Variants in POLE2 observed in about 807,000 individuals in gnomAD.
POLE2 encodes the protein DNA polymerase epsilon subunit 2.
In POLE2, 56 loss-of-function variants were observed where a neutral mutation model predicts 79.4. The observed-to-expected ratio is 0.71, with a 90% CI of 0.57 to 0.88. POLE2 has a LOEUF of 0.88. Among genes scored for constraint, POLE2 ranks in the 40% least tolerant of loss-of-function variants. The probability of loss-of-function intolerance (pLI) is 0.00; values close to 1 mark genes in which losing one functional copy is unlikely to be tolerated. For missense variants in POLE2, 598 were observed against 638.9 expected (o/e 0.94, Z 0.69); for synonymous variants, 212 against 214.0 (o/e 0.99, Z 0.08).
intron 5 of POLE2, among the ~76,000 whole-genome samples, chr14:49,673,786 T>C (rs1172611903): frequency 6.6e-6 from 1 of 152,170 alleles, no homozygotes; most frequent in African/African-American, 2.4e-5. Context: ...AGTTTCCTGA[T>C]CCGTAAAATG....
intron 18 of POLE2, among the ~76,000 whole-genome samples, chr14:49,646,302 GTTTT>G (rs1162033821): frequency 2.7e-3 from 231 of 84,400 alleles, no homozygotes; most frequent in African/African-American, 9.4e-3. Context: ...TTTTTTGTTG[GTTTT>G]TTTTTTTTTT....
At chr14:49,685,452 A>C (rs1887058469) in intron 1 of POLE2, among the ~76,000 whole-genome samples, 1 of 152,132 alleles carries the variant, frequency 6.6e-6, no homozygotes, top group South Asian at 2.1e-4. Context: ...GACAGTTCTT[A>C]GCATAGACCA....
In POLE2 at chr14:49,650,245, A is replaced by G. The variant is rs776333199; in HGVS notation, c.1497+20T>C. ...TAATCTTGATAAATAATGACTATATAAGATTAACTACATTCTTACAGGGTT... is the reference window on the plus strand; with the variant it reads ...TAATCTTGATAAATAATGACTATATGAGATTAACTACATTCTTACAGGGTT... On this transcript the variant is annotated intron_variant, in intron 17 of 18. Coordinates refer to ENST00000216367, the MANE Select transcript of POLE2 (RefSeq NM_002692.4). The G allele has an allele frequency of 7.2e-7, 1 of 1,381,938 alleles. No homozygotes were observed. Among genetic ancestry groups the G allele is most frequent in the Non-Finnish European group, 1.0e-6 (1 of 1,003,640 alleles). 85.6% of individuals were successfully genotyped at this position (1,381,938 alleles called of 1,614,324 possible). A position where few individuals can be genotyped will look rare whatever the true frequency, so the allele number is the denominator to read the frequency against.
chr14:49,650,133 A>G, intron 17 of POLE2, 132 bp downstream of exon 17: 1 of 485,236 alleles, frequency 2.1e-6, no homozygotes. Flanking sequence ...TGTGTATAGA[A>G]ACTTAATTCA....
In POLE2 at chr14:49,650,351, C is replaced by T. The variant is rs772708908; in HGVS notation, c.1411G>A (p.Val471Met). ...VYWAYDYALR[V>M]YPVPDLLVIA... ...ACAAGTAGATCGGGCACAGGATACA[C>T]TCTCAAAGCATAGTCATATGCCCAA... The change falls in exon 17 of 19, where the codon GTG (valine) becomes ATG (methionine). Residue 471 changes from valine (V) to methionine (M), a missense_variant. Coordinates refer to ENST00000216367, the MANE Select transcript of POLE2 (RefSeq NM_002692.4). The T allele has an allele frequency of 6.2e-7, 1 of 1,611,030 alleles. No homozygotes were observed. Among genetic ancestry groups the T allele is most frequent in the Non-Finnish European group, 8.5e-7 (1 of 1,178,082 alleles).
At chr14:49,681,657 C>T (rs1309474159) in intron 2 of POLE2, among the ~76,000 whole-genome samples, 1 of 151,970 alleles carries the variant, frequency 6.6e-6, no homozygotes, top group Non-Finnish European at 1.5e-5. Context: ...ACCTGTAGTC[C>T]CAGCTACTCA....
At chr14:49,657,530 TC>T (rs1002859464) in intron 10 of POLE2, among the ~76,000 whole-genome samples, 4 of 151,346 alleles carry the variant, frequency 2.6e-5, no homozygotes, top group African/African-American at 9.7e-5. Flanking sequence ...AACCTTCATC[TC>T]CCGGGTTCAA....
At position 49,651,317 on chromosome 14, in the gene POLE2, G is replaced by A. The variant is rs142648770; in HGVS notation, c.1272C>T (p.Cys424=). 7 of 1,605,044 alleles carry A rather than the reference G, an allele frequency of 4.4e-6. No homozygotes were observed. In the African/African-American group the frequency reaches 8.0e-5, roughly 18 times the overall value. ...TGCTAGGAAAACGGACGCAGTTTCT[G>A]CACATTTTATTTACTAAGTCTTCAC... The part of the protein sequence containing the change: ...VFREDLVNKM[C]RNCVRFPSSN... The change falls in exon 16 of 19, where the codon TGC becomes TGT. Residue 424 remains cysteine (C), a synonymous_variant. Transcript: ENST00000216367.
intron 6 of POLE2, among the ~76,000 whole-genome samples, chr14:49,667,340 A>C (rs979188340): frequency 6.6e-6 from 1 of 152,094 alleles, no homozygotes; most frequent in African/African-American, 2.4e-5. Context: ...CAACTTAACT[A>C]ATTGAAGTTA....
chr14:49,668,505 C>T (rs1187957225), intron 6 of POLE2, among the ~76,000 whole-genome samples: 1 of 148,644 alleles, frequency 6.7e-6, no homozygotes, highest in Non-Finnish European at 1.5e-5. Context: ...GTAAAAATAA[C>T]AGTATTTTTT....
intron 9 of POLE2, 51 bp from the exon 10 acceptor site, chr14:49,663,438 G>C (rs376105254): frequency 7.9e-7 from 1 of 1,264,696 alleles, no homozygotes; most frequent in Non-Finnish European, 1.1e-6. Context: ...ATGTTTGAAA[G>C]GACAAAATTA....
intron 1 of POLE2, among the ~76,000 whole-genome samples, chr14:49,686,994 G>A (rs1279528608): frequency 6.6e-6 from 1 of 152,064 alleles, no homozygotes. Flanking sequence ...ATAAAATATT[G>A]TGTTCTAGGT....
At position 49,665,124 on chromosome 14, in the gene POLE2, G is replaced by A. The variant is rs574742445; in HGVS notation, c.616C>T (p.Leu206=). ...FLEDPTGTVQ[L]DLSKAQFHSG... Reference sequence around the variant, plus strand: ...AAGGATATAGCTTTACTAAGGTCTAGTTGGACTGTTCCAGTAGGATCTTCC... The same window carrying A: ...AAGGATATAGCTTTACTAAGGTCTAATTGGACTGTTCCAGTAGGATCTTCC... The change falls in exon 8 of 19, where the codon CTA becomes TTA. Residue 206 remains leucine (L), a synonymous_variant. Coordinates refer to ENST00000216367, the MANE Select transcript of POLE2 (RefSeq NM_002692.4). The A allele has an allele frequency of 9.2e-6, 13 of 1,415,218 alleles. No individual in the cohort carries two copies. The East Asian group carries it at 2.9e-4, about 32-fold the overall frequency. 87.7% of individuals were successfully genotyped at this position (1,415,218 alleles called of 1,614,324 possible).
At chr14:49,651,950 A>C (rs1488599684) in intron 15 of POLE2, among the ~76,000 whole-genome samples, 1 of 152,084 alleles carries the variant, frequency 6.6e-6, no homozygotes, top group Non-Finnish European at 1.5e-5. Context: ...AAGGGAGGCT[A>C]GTGTGGCTGG....
At chr14:49,673,227 C>T (rs1044089166) in intron 5 of POLE2, among the ~76,000 whole-genome samples, 1 of 152,154 alleles carries the variant, frequency 6.6e-6, no homozygotes, top group African/African-American at 2.4e-5. Flanking sequence ...TCCTAGAAGA[C>T]TTCTCTCACA....
Position 49,659,203 on chromosome 14 carries a change from G to A in POLE2, c.756-3360C>T, listed in dbSNP as rs552872636. 7.6e-4 allele frequency among the ~76,000 whole-genome samples: 116 copies of A among 152,224 alleles called. 1 individual carries two copies. The highest frequency in any genetic ancestry group is 2.8e-3 in the African/African-American group (115 of 41,542). The stretch of plus-strand genomic sequence containing the variant: ...AGGCTGAGGTGGGAGGATTGCTTGA[G>A]GCCAGGAGTTCGAGACCAGCCTGAG... On this transcript the variant is annotated intron_variant, in intron 10 of 18. Coordinates refer to ENST00000216367, the MANE Select transcript of POLE2 (RefSeq NM_002692.4).
At chr14:49,681,770 C>T (rs1427911145) in intron 2 of POLE2, 1 of 147,426 alleles carries the variant, frequency 6.8e-6, no homozygotes, top group African/African-American at 2.5e-5. Context: ...TGCAGTGAAC[C>T]GAGATGGCGC....
intron 6 of POLE2, among the ~76,000 whole-genome samples, chr14:49,667,048 C>T (rs916336085): frequency 3.9e-5 from 6 of 151,920 alleles, no homozygotes; most frequent in Non-Finnish European, 8.8e-5. Flanking sequence ...ATTAGCCAGG[C>T]ATGGTGGCAG....
rs562679613 is a variant in POLE2 at position 49,688,174 on chromosome 14, C to A, written c.30G>T (p.Ala10=). ...AGCCCCGCAACTTGAAGGCGGAGAG[C>A]GCCCGGCTCCGCAGCCGCTCCGGCG... MAPERLRSR[A]LSAFKLRGLL... is the part of the protein sequence containing the mutation. The change falls in exon 1 of 19, where the codon GCG becomes GCT. Residue 10 remains alanine (A), a synonymous_variant. Transcript: ENST00000216367. 3 of 1,545,008 alleles carry A rather than the reference C, an allele frequency of 1.9e-6. No homozygotes were observed. The highest frequency in any genetic ancestry group is 5.1e-5 in the East Asian group (2 of 38,924).
Sources: allele counts gnomAD v4.1 joint callset (sites outside exome capture counted in the v4.1 genomes callset), GRCh38; gene constraint gnomAD v4.1.1; transcripts MANE v1.5; gene names NCBI Gene and HGNC (gene_info 2026-07-23, HGNC 2026-07-21).